The following IL23R variants were observed in gnomAD, a reference collection of about 807,000 sequenced individuals.
IL23R encodes the protein interleukin-23 receptor.
A neutral mutation model predicts 56.9 loss-of-function variants in IL23R; 34 were observed. The observed-to-expected ratio is 0.60, with a 90% CI of 0.45 to 0.80. The LOEUF (loss-of-function observed/expected upper bound fraction) is 0.80. Ranked by LOEUF, IL23R falls within the 30% of genes least tolerant of loss-of-function variation. The pLI is 0.00. For synonymous variants in IL23R, 230 were observed against 249.2 expected, an observed-to-expected ratio of 0.92 and a Z score of 0.73; for missense variants, 635 against 730.0, an observed-to-expected ratio of 0.87 and a Z score of 1.50.
chr1:67,258,955 A>G lies in IL23R; in HGVS notation c.1717A>G (p.Met573Val), dbSNP rs1298200002. 1 of 1,614,132 alleles carries G rather than the reference A, an allele frequency of 6.2e-7. No homozygotes were observed. The change falls in exon 11 of 11, where the codon ATG (methionine) becomes GTG (valine). Residue 573 changes from methionine (M) to valine (V), a missense_variant. Met to Val is a conservative substitution (Grantham distance 21). Coordinates refer to ENST00000347310, the MANE Select transcript of IL23R (RefSeq NM_144701.3). Reference protein sequence around the residue: ...IQNSVEEETTMLLENDSPSET... With the variant: ...IQNSVEEETTVLLENDSPSET... ...AAACTCAGTAGAGGAGGAAACCACC[A>G]TGCTTTTGGAAAATGATTCACCCAG...
chr1:67,240,546 C>G (rs1274470191), intron 9 of IL23R, among the ~76,000 whole-genome samples: 1 of 152,156 alleles, frequency 6.6e-6, no homozygotes, highest in Non-Finnish European at 1.5e-5. Context: ...GAGGCTAAGT[C>G]CTCAGCCCAG....
At chr1:67,140,791 T>C (rs1646629878) in intron 1 of IL23R, among the ~76,000 whole-genome samples, 1 of 152,172 alleles carries the variant, frequency 6.6e-6, no homozygotes, top group South Asian at 2.1e-4. Flanking sequence ...CATCTATTTA[T>C]TGAATTCTCA....
At chr1:67,251,177 G>A (rs892034006) in intron 9 of IL23R, among the ~76,000 whole-genome samples, 2 of 152,172 alleles carry the variant, frequency 1.3e-5, no homozygotes, top group African/African-American at 4.8e-5. Context: ...ATGTGGCCAG[G>A]CGCAGTGGCT....
intron 7 of IL23R, among the ~76,000 whole-genome samples, chr1:67,232,076 T>A (rs1481836144): frequency 6.6e-6 from 1 of 152,120 alleles, no homozygotes; most frequent in Non-Finnish European, 1.5e-5. Context: ...GAGTATGATC[T>A]CCACTAGGCT....
rs758690026 is a variant in IL23R, at chr1:67,200,846, G to A, written c.601G>A (p.Ala201Thr). The A allele has an allele frequency of 2.1e-5, 34 of 1,613,948 alleles. No individual in the cohort carries two copies. Among genetic ancestry groups the A allele is most frequent in the Admixed American group, 1.3e-4 (8 of 59,988 alleles). ...CTTGGTTTGGGTCCAAGCAGCAAAC[G>A]CACTAGGCATGGAAGAGTCAAAACA... ...KYLVWVQAAN[A>T]LGMEESKQLQ... The change falls in exon 5 of 11, where the codon GCA becomes ACA. Residue 201 changes from alanine (A) to threonine (T), a missense_variant. Transcript: ENST00000347310.
At chr1:67,251,833 G>T (rs186961560) in intron 9 of IL23R, among the ~76,000 whole-genome samples, 2 of 152,276 alleles carry the variant, frequency 1.3e-5, no homozygotes, top group Admixed American at 1.3e-4. Context: ...TCCCAGAAGG[G>T]CTCTAAAGTA....
chr1:67,237,566 A>C (rs1263874591), intron 8 of IL23R, among the ~76,000 whole-genome samples: 1 of 152,206 alleles, frequency 6.6e-6, no homozygotes, highest in Non-Finnish European at 1.5e-5. Context: ...ACTAAAATTC[A>C]AATCCTTTTC....
At chr1:67,163,357 T>C (rs772768361), upstream of IL23R, among the ~76,000 whole-genome samples, 5 of 149,036 alleles carry the variant, frequency 3.4e-5, no homozygotes. Flanking sequence ...TAGTCCCAGC[T>C]ACTTGGGAGG....
intron 7 of IL23R, among the ~76,000 whole-genome samples, chr1:67,220,100 G>A (rs1379536619): frequency 6.6e-6 from 1 of 152,058 alleles, no homozygotes; most frequent in Non-Finnish European, 1.5e-5. Flanking sequence ...CAGGTGCAGT[G>A]GCTTATGTCT....
chr1:67,168,313 AT>A, intron 2 of IL23R, 123 bp downstream of exon 2: 1 of 800,630 alleles, frequency 1.2e-6, no homozygotes, highest in Non-Finnish European at 2.2e-6. Flanking sequence ...ACTAGAAAAA[AT>A]GTGTGCATAA....
intron 5 of IL23R, 130 bp from the exon 6 acceptor site, chr1:67,206,780 C>A: frequency 9.8e-7 from 1 of 1,017,220 alleles, no homozygotes; most frequent in Non-Finnish European, 1.4e-6. Flanking sequence ...CATAATTGTT[C>A]ATTAGACCAT....
At chr1:67,248,805 G>C (rs940139896) in intron 9 of IL23R, among the ~76,000 whole-genome samples, 1 of 152,186 alleles carries the variant, frequency 6.6e-6, no homozygotes, top group African/African-American at 2.4e-5. Context: ...GCACCGGAGG[G>C]AATCTCCTGA....
intron 7 of IL23R, among the ~76,000 whole-genome samples, chr1:67,232,082 A>G (rs1021682307): frequency 6.6e-6 from 1 of 152,198 alleles, no homozygotes; most frequent in Non-Finnish European, 1.5e-5. Context: ...GATCTCCACT[A>G]GGCTACCAAC....
intron 7 of IL23R, among the ~76,000 whole-genome samples, chr1:67,225,003 C>T (rs1392853195): frequency 6.6e-6 from 1 of 152,180 alleles, no homozygotes; most frequent in Non-Finnish European, 1.5e-5. Context: ...CATTACAAGG[C>T]TGGTAAACAG....
intron 4 of IL23R, among the ~76,000 whole-genome samples, chr1:67,191,102 T>C (rs904174024): frequency 6.6e-6 from 1 of 152,196 alleles, no homozygotes; most frequent in South Asian, 2.1e-4. Context: ...TTTATATTCA[T>C]GACCACTAAC....
chr1:67,259,046 A>T lies in IL23R; in HGVS notation c.1808A>T (p.Glu603Val). 1 of 1,614,000 alleles carries T rather than the reference A, an allele frequency of 6.2e-7. No homozygotes were observed. Among genetic ancestry groups the T allele is most frequent in the Non-Finnish European group, 8.5e-7 (1 of 1,179,932 alleles). The change falls in exon 11 of 11, where the codon GAG becomes GTG. Residue 603 changes from glutamate to valine, a missense_variant. By Grantham distance (121) the Glu-to-Val change is moderately radical. Coordinates refer to ENST00000347310, the MANE Select transcript of IL23R (RefSeq NM_144701.3). ...GTCTCCTGTTTGGGGATCGTGAATGAGGAGTTGCCATCTATTAATACTTAT... is the reference window on the plus strand; with the variant it reads ...GTCTCCTGTTTGGGGATCGTGAATGTGGAGTTGCCATCTATTAATACTTAT... ...EFVSCLGIVN[E>V]ELPSINTYFP... is the part of the protein sequence containing the mutation.
At chr1:67,262,934 G>C (rs748554222), downstream of IL23R, among the ~76,000 whole-genome samples, 4 of 152,038 alleles carry the variant, frequency 2.6e-5, no homozygotes, top group Admixed American at 1.3e-4. Flanking sequence ...CAACACTAAT[G>C]CTGACTAAGG....
intron 3 of IL23R, among the ~76,000 whole-genome samples, chr1:67,173,891 A>AGAGGGTCTGATTGAACCATTTTGC (rs1646976568): frequency 6.6e-6 from 1 of 152,146 alleles, no homozygotes; most frequent in Non-Finnish European, 1.5e-5. Context: ...CACTTAAATG[A>AGAGGGTCTGATTGAACCATTTTGC]AACCACTAAT....
chr1:67,191,534 T>A, intron 4 of IL23R, among the ~76,000 whole-genome samples: 1 of 152,212 alleles, frequency 6.6e-6, no homozygotes, highest in East Asian at 1.9e-4. Flanking sequence ...AAGCATGCTG[T>A]AGCCTTTGCC....
Sources: allele counts gnomAD v4.1 joint callset (sites outside exome capture counted in the v4.1 genomes callset), GRCh38; gene constraint gnomAD v4.1.1; transcripts MANE v1.5; gene names NCBI Gene and HGNC (gene_info 2026-07-23, HGNC 2026-07-21).